Variants in CAMK2A observed in about 807,000 individuals in gnomAD.
CAMK2A encodes calcium/calmodulin-dependent protein kinase type II subunit alpha.
A neutral mutation model predicts 79.2 loss-of-function variants in CAMK2A; 7 were observed. That is an observed-to-expected ratio of 0.09 (90% CI 0.05 to 0.17). CAMK2A has a LOEUF of 0.17. CAMK2A is among the 10% of genes least tolerant of loss of function. CAMK2A has a pLI of 1.00. For synonymous variants in CAMK2A, 242 were observed against 251.7 expected (o/e 0.96, Z 0.36); for missense variants, 214 against 646.4 (o/e 0.33, Z 7.25).
chr5:150,246,025 C>T (rs931870907), intron 12 of CAMK2A, among the ~76,000 whole-genome samples: 1 of 152,240 alleles, frequency 6.6e-6, no homozygotes, highest in Non-Finnish European at 1.5e-5. Context: ...CTGTGAAGTA[C>T]TTAGCAAAGC....
chr5:150,238,773 G>A (rs1755206879), intron 14 of CAMK2A, 25 bp from the exon 15 acceptor site: 2 of 1,584,280 alleles, frequency 1.3e-6, no homozygotes, highest in Non-Finnish European at 1.7e-6. Context: ...ACAGGAGATG[G>A]TGAGGCCTGC....
chr5:150,275,465 C>T (rs1756909039), intron 1 of CAMK2A, among the ~76,000 whole-genome samples: 1 of 152,180 alleles, frequency 6.6e-6, no homozygotes, highest in Admixed American at 6.5e-5. Flanking sequence ...AGAGTTAGTG[C>T]AGACCCCACA....
At chr5:150,253,615 C>A (rs529798271) in intron 6 of CAMK2A, 69 bp from the exon 7 acceptor site, 4 of 1,339,928 alleles carry the variant, frequency 3.0e-6, no homozygotes, top group African/African-American at 1.4e-5. Flanking sequence ...GATTCAGAGC[C>A]TCACCTCTAG....
chr5:150,280,721 C>T (rs1207771501), intron 1 of CAMK2A, among the ~76,000 whole-genome samples: 5 of 152,150 alleles, frequency 3.3e-5, no homozygotes, highest in African/African-American at 1.2e-4. Flanking sequence ...TTTGGCCCCA[C>T]TGAACACAGC....
intron 12 of CAMK2A, among the ~76,000 whole-genome samples, chr5:150,246,046 T>C (rs1457420293): frequency 6.6e-6 from 1 of 152,234 alleles, no homozygotes; most frequent in East Asian, 1.9e-4. Flanking sequence ...ACCTGACCCA[T>C]AAGCCGCACA....
chr5:150,286,380 G>A (rs1580963171), intron 1 of CAMK2A, among the ~76,000 whole-genome samples: 1 of 152,230 alleles, frequency 6.6e-6, no homozygotes, highest in Non-Finnish European at 1.5e-5. Flanking sequence ...GCCCACCAGG[G>A]CTGGAGAAGA....
intron 1 of CAMK2A, among the ~76,000 whole-genome samples, chr5:150,275,577 C>G (rs1049560027): frequency 6.6e-6 from 1 of 152,218 alleles, no homozygotes; most frequent in Admixed American, 6.5e-5. Flanking sequence ...CAGCTAGTGA[C>G]TGGGGGATCC....
At chr5:150,264,635 C>T (rs1370810604) in intron 3 of CAMK2A, among the ~76,000 whole-genome samples, 2 of 152,196 alleles carry the variant, frequency 1.3e-5, no homozygotes, top group African/African-American at 4.8e-5. Context: ...GGGGAATGGG[C>T]CACAGCGGTC....
At chr5:150,265,669 C>T in intron 2 of CAMK2A, among the ~76,000 whole-genome samples, 1 of 152,146 alleles carries the variant, frequency 6.6e-6, no homozygotes, top group East Asian at 1.9e-4. Flanking sequence ...AAGCTGGGCA[C>T]AGTGGCTCAC....
intron 12 of CAMK2A, among the ~76,000 whole-genome samples, chr5:150,245,713 A>G (rs1467530391): frequency 6.6e-6 from 1 of 152,082 alleles, no homozygotes; most frequent in Non-Finnish European, 1.5e-5. Context: ...AGATGCCCCC[A>G]CTGGGGCCCA....
Position 150,256,680 on chromosome 5 carries a change from T to C in CAMK2A, c.339-35A>G, listed in dbSNP as rs1562172095. On this transcript the variant is annotated intron_variant, in intron 5 of 18. Transcript: ENST00000671881. This position sits in a 1 kb window ranked among gnomAD's most constrained non-coding sequence, Gnocchi z 4.6. ...GAGAGAGGAAGGGGTCATGGTGGTG[T>C]GAGCACAGGCCTCCCCTGGGAAGCT... 4 of 1,606,810 alleles carry C rather than the reference T, an allele frequency of 2.5e-6. No individual in the cohort carries two copies. The highest frequency in any genetic ancestry group is 4.5e-5 in the East Asian group (2 of 44,830).
At chr5:150,271,034 C>G (rs1045625181) in intron 2 of CAMK2A, among the ~76,000 whole-genome samples, 1 of 152,202 alleles carries the variant, frequency 6.6e-6, no homozygotes, top group East Asian at 1.9e-4. Flanking sequence ...CCCACTGGGG[C>G]AATCTTAACC....
intron 16 of CAMK2A, among the ~76,000 whole-genome samples, chr5:150,230,082 G>C (rs765548701): frequency 1.1e-4 from 16 of 152,078 alleles, no homozygotes; most frequent in Non-Finnish European, 1.3e-4. Flanking sequence ...CACTTTGGGA[G>C]GCTGAGGTGG....
rs763406731 is a variant in CAMK2A at position 150,265,030 on chromosome 5, C to T, written c.158-15G>A. ...CTTCTGATGGTCTGAAACACAGAGG[C>T]TCATGTGAGTCCCCGGTGAGGAAGG... is the stretch of plus-strand genomic sequence containing the variant. On this transcript the variant is annotated splice_polypyrimidine_tract_variant and intron_variant, in intron 2 of 18. Transcript: ENST00000671881. 16 of 1,604,178 alleles carry T rather than the reference C, an allele frequency of 1.0e-5. No homozygotes were observed. In the South Asian group the frequency reaches 1.4e-4, roughly 14 times the overall value.
chr5:150,233,846 T>A (rs1044843314), intron 15 of CAMK2A, among the ~76,000 whole-genome samples: 2 of 152,222 alleles, frequency 1.3e-5, no homozygotes, highest in African/African-American at 2.4e-5. Flanking sequence ...GGGGTCTCTC[T>A]GCATTGTCCA....
chr5:150,282,943 C>G (rs1437178875), intron 1 of CAMK2A, among the ~76,000 whole-genome samples: 1 of 152,242 alleles, frequency 6.6e-6, no homozygotes, highest in Non-Finnish European at 1.5e-5. Flanking sequence ...TTCTGTGGAG[C>G]TGAAAGCTAC....
chr5:150,266,424 T>C (rs746629413), intron 2 of CAMK2A, among the ~76,000 whole-genome samples: 1 of 152,226 alleles, frequency 6.6e-6, no homozygotes, highest in Non-Finnish European at 1.5e-5. Context: ...TTTCACAATT[T>C]GGTAGTTAAC....
At chr5:150,235,599 G>A (rs1372969321) in intron 15 of CAMK2A, among the ~76,000 whole-genome samples, 1 of 152,202 alleles carries the variant, frequency 6.6e-6, no homozygotes, top group African/African-American at 2.4e-5. Flanking sequence ...AATTTTTCAA[G>A]GAGCGAATCA....
intron 2 of CAMK2A, among the ~76,000 whole-genome samples, chr5:150,269,683 G>A (rs563633125): frequency 6.6e-6 from 1 of 152,208 alleles, no homozygotes; most frequent in African/African-American, 2.4e-5. Context: ...ACTCCAGCAG[G>A]CAGGCGGCCC....
Sources: allele counts gnomAD v4.1 joint callset (sites outside exome capture counted in the v4.1 genomes callset), GRCh38; gene constraint gnomAD v4.1.1; non-coding constraint Gnocchi (gnomAD v3.1); transcripts MANE v1.5; gene names NCBI Gene and HGNC (gene_info 2026-07-23, HGNC 2026-07-21).